The following TFIP11 variants were observed in gnomAD, a reference collection of about 807,000 sequenced individuals.
The protein encoded by TFIP11 is tuftelin interacting protein 11.
Under a neutral mutation model 96.8 loss-of-function variants are expected in TFIP11, and 86 were observed. The ratio of observed to expected loss-of-function variants is 0.89; its 90% CI spans 0.75 to 1.06. TFIP11 has a LOEUF of 1.06. Among genes scored for constraint, TFIP11 ranks in the 50% least tolerant of loss-of-function variants. The pLI is 0.00. For synonymous variants in TFIP11, 405 were observed against 395.2 expected (o/e 1.02, Z -0.29); for missense variants, 881 against 1,076.7 (o/e 0.82, Z 2.54).
At chr22:26,501,627 G>A (rs1283601960) in intron 8 of TFIP11, among the ~76,000 whole-genome samples, 1 of 151,190 alleles carries the variant, frequency 6.6e-6, no homozygotes, top group Admixed American at 6.6e-5. Context: ...ACATCATTTG[G>A]TTTACCAGTG....
intron 6 of TFIP11, 174 bp downstream of exon 6, chr22:26,506,129 A>T: frequency 1.7e-6 from 1 of 574,108 alleles, no homozygotes; most frequent in Non-Finnish European, 2.8e-6. Flanking sequence ...TTACTTATTT[A>T]ACTTGAGCTT....
chr22:26,498,524 A>G lies in TFIP11; in HGVS notation c.1436+345T>C, dbSNP rs546032896. Among the ~76,000 whole-genome samples, 8 of 145,266 alleles carry G rather than the reference A, an allele frequency of 5.5e-5. No individual in the cohort carries two copies. The South Asian group carries it at 1.8e-3, about 33-fold the overall frequency. ...CGCCACTGCACTCCAGCCTGGTGAC[A>G]GAGTGAGACTCCATCTCAAAAAAAA... On this transcript the variant is annotated intron_variant, in intron 10 of 14. Transcript: ENST00000407690.
intron 13 of TFIP11, 179 bp from the exon 14 acceptor site, chr22:26,494,483 A>G: frequency 1.3e-6 from 1 of 787,664 alleles, no homozygotes; most frequent in South Asian, 1.8e-5. Context: ...TCAGCCTGGT[A>G]GCTAAAGTGC....
Position 26,491,753 on chromosome 22 carries a change from C to A in TFIP11, c.*260G>T. 8.5e-6 allele frequency: 11 copies of A among 1,289,230 alleles called. No individual in the cohort carries two copies. Among genetic ancestry groups the A allele is most frequent in the Admixed American group, 2.2e-5 (1 of 46,288 alleles). The allele number at this position is 1,289,230 out of a possible 1,614,324, so 79.9% of individuals were successfully genotyped here. On this transcript the variant is annotated 3_prime_UTR_variant, in exon 15 of 15. Coordinates refer to ENST00000407690, the MANE Select transcript of TFIP11 (RefSeq NM_012143.4). ...AGGGAAGGCTGCTATGGAGGAACTA[C>A]AGAGAACTCCTTTGCCAGGAAAGAA...
Position 26,491,517 on chromosome 22 carries a change from A to G in TFIP11, c.*496T>C, listed in dbSNP as rs1395253545. 4.3e-6 allele frequency: 7 copies of G among 1,614,060 alleles called. No homozygotes were observed. The highest frequency in any genetic ancestry group is 5.1e-6 in the Non-Finnish European group (6 of 1,180,028). On this transcript the variant is annotated 3_prime_UTR_variant, in exon 15 of 15. Coordinates refer to ENST00000407690, the MANE Select transcript of TFIP11 (RefSeq NM_012143.4). The stretch of plus-strand genomic sequence containing the variant: ...TCCTCAGACTTCACAATACATGGAC[A>G]TATTTAATGATACCTCTGTCCACTG...
intron 12 of TFIP11, among the ~76,000 whole-genome samples, chr22:26,495,333 C>T (rs1921811236): frequency 8.7e-6 from 1 of 114,506 alleles, no homozygotes; most frequent in Non-Finnish European, 1.6e-5. Context: ...GGCTGAAGTG[C>T]AATGGCAGAT....
chr22:26,496,996 G>T (rs1922152650), intron 10 of TFIP11, 107 bp from the exon 11 acceptor site: 1 of 1,344,496 alleles, frequency 7.4e-7, no homozygotes, highest in Non-Finnish European at 1.0e-6. Flanking sequence ...GCAACAGCAT[G>T]GAAATCCAAT....
rs1204502440 is a variant in TFIP11 at position 26,496,868 on chromosome 22, C to T, written c.1458G>A (p.Met486Ile). The T allele has an allele frequency of 1.2e-6, 2 of 1,614,068 alleles. No individual in the cohort carries two copies. The highest frequency in any genetic ancestry group is 8.5e-7 in the Non-Finnish European group (1 of 1,180,038). Residue 486 changes from methionine (M) to isoleucine (I), a missense_variant, in exon 11 of 15, where the codon ATG (methionine) becomes ATA (isoleucine). Transcript: ENST00000407690. ...AFHRLIWEVW[M>I]PFVRNIVTQW... ...GGGTGACAATATTTCGAACAAAAGG[C>T]ATCCAGACTTCCCATATCAACCTAT...
intron 8 of TFIP11, among the ~76,000 whole-genome samples, chr22:26,501,367 G>A (rs1922761116): frequency 6.6e-6 from 1 of 152,012 alleles, no homozygotes; most frequent in Non-Finnish European, 1.5e-5. Flanking sequence ...TATTCAACAT[G>A]GTGATTGCAC....
chr22:26,494,979 C>G, intron 12 of TFIP11, 40 bp from the exon 13 acceptor site: 1 of 1,610,182 alleles, frequency 6.2e-7, no homozygotes. Flanking sequence ...AGCTTTAGTA[C>G]TGGCAAAGCC....
At chr22:26,502,121 G>A (rs1922875739) in intron 7 of TFIP11, 69 bp from the exon 8 acceptor site, 2 of 1,590,006 alleles carry the variant, frequency 1.3e-6, no homozygotes, top group Non-Finnish European at 8.6e-7. Context: ...AGGTAGCTGA[G>A]ACCATTAGCA....
intron 8 of TFIP11, 129 bp from the exon 9 acceptor site, chr22:26,499,760 G>A: frequency 1.0e-6 from 1 of 993,888 alleles, no homozygotes; most frequent in East Asian, 2.5e-5. Context: ...GCTGGAGAAG[G>A]GCAGTGTTGT....
At chr22:26,501,669 A>T (rs936062366) in intron 8 of TFIP11, among the ~76,000 whole-genome samples, 1 of 150,596 alleles carries the variant, frequency 6.6e-6, no homozygotes, top group African/African-American at 2.4e-5. Context: ...GCAGAGAAGG[A>T]ACTTGGTAAC....
rs1921580699 is a variant in TFIP11 at position 26,493,986 on chromosome 22, A to AG, written c.2158+152dup. Reference sequence around the variant, plus strand: ...TGGGTGCCAGCTGACCATGTACCCCAGTCAGCAGGGTGAGAGTCTGTTGCT... The same window carrying AG: ...TGGGTGCCAGCTGACCATGTACCCCAGGTCAGCAGGGTGAGAGTCTGTTGCT... On this transcript the variant is annotated intron_variant, in intron 14 of 14. Transcript: ENST00000407690. 1.3e-5 allele frequency: 10 copies of AG among 781,672 alleles called. No homozygotes were observed. The South Asian group carries it at 1.8e-4, about 14-fold the overall frequency. 48.4% of individuals were successfully genotyped at this position (781,672 alleles called of 1,614,324 possible).
chr22:26,496,015 C>T, intron 12 of TFIP11, 58 bp downstream of exon 12: 1 of 1,585,520 alleles, frequency 6.3e-7, no homozygotes, highest in South Asian at 1.2e-5. Context: ...CACTGCTAAC[C>T]ACAGAAACCA....
rs769935255 is a variant in TFIP11, at chr22:26,496,100, T to C, written c.1822A>G (p.Met608Val). 2 of 1,613,862 alleles carry C rather than the reference T, an allele frequency of 1.2e-6. No homozygotes were observed. Among genetic ancestry groups the C allele is most frequent in the South Asian group, 1.1e-5 (1 of 91,068 alleles). Residue 608 changes from methionine (M) to valine (V), a missense_variant, in exon 12 of 15, where the codon ATG becomes GTG. Transcript: ENST00000407690. ...AGCTTGGGCACTATGTTTTTGACCA[T>C]GAATGCTTCCCAGGAGCCAGGAGTG... ...VFTPGSWEAFMVKNIVPKLGM... is the reference protein window; with the variant it reads ...VFTPGSWEAFVVKNIVPKLGM...
intron 10 of TFIP11, among the ~76,000 whole-genome samples, chr22:26,497,349 C>T (rs1435201132): frequency 6.6e-6 from 1 of 152,208 alleles, no homozygotes; most frequent in Non-Finnish European, 1.5e-5. Flanking sequence ...TACCTTACTT[C>T]CCATCTGCTT....
At chr22:26,494,580 A>G in intron 13 of TFIP11, 2 of 736,184 alleles carry the variant, frequency 2.7e-6, no homozygotes, top group East Asian at 2.7e-5. Flanking sequence ...TGCTGAGAGG[A>G]GCTGAGATAA....
At chr22:26,511,018 T>C (rs906530829) in intron 2 of TFIP11, 1 of 152,260 alleles carries the variant, frequency 6.6e-6, no homozygotes, top group Non-Finnish European at 1.5e-5. Context: ...TTTAGTCCCA[T>C]GATTAGGTTA....
Sources: allele counts gnomAD v4.1 joint callset (sites outside exome capture counted in the v4.1 genomes callset), GRCh38; gene constraint gnomAD v4.1.1; transcripts MANE v1.5; gene names NCBI Gene and HGNC (gene_info 2026-07-23, HGNC 2026-07-21).